The following SLIT1 variants were observed in gnomAD, a reference collection of about 807,000 sequenced individuals.
SLIT1 encodes slit homolog 1 protein.
Under a neutral mutation model 186.1 loss-of-function variants are expected in SLIT1, and 66 were observed. That is an observed-to-expected ratio of 0.35 (90% CI 0.29 to 0.44). The LOEUF (loss-of-function observed/expected upper bound fraction) is 0.44, where lower values mean the gene tolerates loss of function less well. Among genes scored for constraint, SLIT1 ranks in the 20% least tolerant of loss-of-function variants. The probability of loss-of-function intolerance (pLI) is 1.00; values close to 1 mark genes in which losing one functional copy is unlikely to be tolerated. For synonymous variants in SLIT1, 761 were observed against 833.8 expected (o/e 0.91, Z 1.50); for missense variants, 1,638 against 2,037.4 (o/e 0.80, Z 3.77).
chr10:97,146,565 C>G (rs12570870), intron 4 of SLIT1, among the ~76,000 whole-genome samples: 7,030 of 151,902 alleles, frequency 0.046, 260 homozygotes, highest in East Asian at 0.12. Context: ...CCCAGCCCCC[C>G]CCACTGAACA....
intron 4 of SLIT1, among the ~76,000 whole-genome samples, chr10:97,115,344 C>G (rs1228075666): frequency 6.6e-6 from 1 of 152,198 alleles, no homozygotes; most frequent in Non-Finnish European, 1.5e-5. Flanking sequence ...CCTGCTTCTT[C>G]TGGAGAACAG....
intron 4 of SLIT1, among the ~76,000 whole-genome samples, chr10:97,144,232 A>G (rs1849794609): frequency 6.6e-6 from 1 of 152,010 alleles, no homozygotes; most frequent in Admixed American, 6.6e-5. Flanking sequence ...GCAGAGATCT[A>G]TTCCAGTTAA....
intron 4 of SLIT1, among the ~76,000 whole-genome samples, chr10:97,151,072 A>G (rs1849872257): frequency 6.6e-6 from 1 of 152,068 alleles, no homozygotes; most frequent in East Asian, 1.9e-4. Context: ...CTGATAGGTC[A>G]GAGGGTGGCA....
At position 97,001,067 on chromosome 10, in the gene SLIT1, G is replaced by T; in HGVS notation, c.*45C>A. 1 of 1,526,590 alleles carries T rather than the reference G, an allele frequency of 6.6e-7. No individual in the cohort carries two copies. The highest frequency in any genetic ancestry group is 9.0e-7 in the Non-Finnish European group (1 of 1,107,162). 94.6% of individuals were successfully genotyped at this position (1,526,590 alleles called of 1,614,324 possible). A position where few individuals can be genotyped will look rare whatever the true frequency, so the allele number is the denominator to read the frequency against. Reference sequence around the variant, plus strand: ...GGCGACTGTCTCCGCTGCTGCAGCGGCTGGGGCCCCTTGCCCGCCCTCACC... The same window carrying T: ...GGCGACTGTCTCCGCTGCTGCAGCGTCTGGGGCCCCTTGCCCGCCCTCACC... On this transcript the variant is annotated 3_prime_UTR_variant, in exon 37 of 37. Coordinates refer to ENST00000266058, the MANE Select transcript of SLIT1 (RefSeq NM_003061.3).
At chr10:97,164,449 G>A (rs766038061) in intron 2 of SLIT1, among the ~76,000 whole-genome samples, 4 of 152,196 alleles carry the variant, frequency 2.6e-5, no homozygotes, top group East Asian at 3.9e-4. Flanking sequence ...CCTGGGAAGC[G>A]GCAGAGGTTG....
intron 4 of SLIT1, among the ~76,000 whole-genome samples, chr10:97,078,255 A>G (rs1476439817): frequency 1.3e-5 from 2 of 152,142 alleles, no homozygotes; most frequent in African/African-American, 4.8e-5. Flanking sequence ...CATCCCACCC[A>G]CATTTACTGA....
At chr10:97,101,018 A>G (rs1212563016) in intron 4 of SLIT1, among the ~76,000 whole-genome samples, 1 of 152,170 alleles carries the variant, frequency 6.6e-6, no homozygotes, top group Non-Finnish European at 1.5e-5. Flanking sequence ...CTGTGCATCA[A>G]TGAAGCTGAA....
rs1256932838 is a variant in SLIT1, at chr10:97,163,241, G to T, written c.341+139C>A. On this transcript the variant is annotated intron_variant, in intron 3 of 36. Transcript: ENST00000266058. ...ACTTTCACAGCTGCAGCTGCTCCTGGCTCCATCCGCTGGTGGAGGCAGGCT... is the reference window on the plus strand; with the variant it reads ...ACTTTCACAGCTGCAGCTGCTCCTGTCTCCATCCGCTGGTGGAGGCAGGCT... 6 of 719,834 alleles carry T rather than the reference G, an allele frequency of 8.3e-6. No homozygotes were observed. The Admixed American group carries it at 1.3e-4, about 15-fold the overall frequency. 44.6% of individuals were successfully genotyped at this position (719,834 alleles called of 1,614,324 possible). A position where few individuals can be genotyped will look rare whatever the true frequency, so the allele number is the denominator to read the frequency against.
In SLIT1 at chr10:97,014,010, C is replaced by T. The variant is rs375432939; in HGVS notation, c.3109+9G>A. 91 of 1,612,624 alleles carry T rather than the reference C, an allele frequency of 5.6e-5. No homozygotes were observed. The highest frequency in any genetic ancestry group is 2.4e-4 in the African/African-American group (18 of 74,934). On this transcript the variant is annotated intron_variant, in intron 29 of 36. Coordinates refer to ENST00000266058, the MANE Select transcript of SLIT1 (RefSeq NM_003061.3). The stretch of plus-strand genomic sequence containing the variant: ...CCTCCCCCAGACACTGCTGCCCTGA[C>T]GCACTTACCCTCATACTGCAGGGGG...
At chr10:97,053,241 G>T (rs992082713) in intron 13 of SLIT1, among the ~76,000 whole-genome samples, 2 of 152,034 alleles carry the variant, frequency 1.3e-5, no homozygotes, top group South Asian at 4.2e-4. Flanking sequence ...GTGAGTCCCC[G>T]GCCAGTAAAT....
chr10:97,142,352 T>C (rs902783817), intron 4 of SLIT1, among the ~76,000 whole-genome samples: 6 of 152,152 alleles, frequency 3.9e-5, no homozygotes, highest in African/African-American at 1.2e-4. Flanking sequence ...GACAAGGGTG[T>C]CAAGATCATT....
rs1187265812 is a variant in SLIT1, at chr10:97,068,508, A to T, written c.414-2422T>A. ...TGTCTGAAGGGGCCTTGGCACCATC[A>T]GTGCCCCTCGTTCTTGCTCTCTATT... On this transcript the variant is annotated intron_variant, in intron 4 of 36. Transcript: ENST00000266058. This position sits in a 1 kb window ranked among gnomAD's most constrained non-coding sequence, Gnocchi z 4.2. 2.6e-5 allele frequency among the ~76,000 whole-genome samples: 4 copies of T among 151,942 alleles called. No homozygotes were observed. The highest frequency in any genetic ancestry group is 9.7e-5 in the African/African-American group (4 of 41,358).
chr10:97,144,527 A>G (rs922377569), intron 4 of SLIT1, among the ~76,000 whole-genome samples: 1 of 152,202 alleles, frequency 6.6e-6, no homozygotes, highest in African/African-American at 2.4e-5. Context: ...GCGGCAGGCT[A>G]AGCTGCCTGC....
Position 96,999,285 on chromosome 10 carries a change from A to G in SLIT1, c.*1827T>C, listed in dbSNP as rs1391723009. On this transcript the variant is annotated 3_prime_UTR_variant, in exon 37 of 37. Transcript: ENST00000266058. ...ATCCTGCCATGAGGACACCTGCCAC[A>G]TTGGGCAGGGCACTGCCCTCTTCCC... is the stretch of plus-strand genomic sequence containing the variant. 1.3e-5 allele frequency: 2 copies of G among 152,248 alleles called. No homozygotes were observed. The highest frequency in any genetic ancestry group is 2.9e-5 in the Non-Finnish European group (2 of 68,098). The allele number at this position is 152,248 out of a possible 1,614,324, so 9.4% of individuals were successfully genotyped here.
chr10:97,163,469 CA>C lies in SLIT1; in HGVS notation c.270-19del. On this transcript the variant is annotated intron_variant, in intron 2 of 36. Coordinates refer to ENST00000266058, the MANE Select transcript of SLIT1 (RefSeq NM_003061.3). The stretch of plus-strand genomic sequence containing the variant: ...TCAGCTGCCTGGGGAAGCAAAGAGA[CA>C]AGGACAGCTACAGGGTGTGGGACAA... 6.2e-7 allele frequency: 1 copy of C among 1,611,824 alleles called. No individual in the cohort carries two copies. Among genetic ancestry groups the C allele is most frequent in the Non-Finnish European group, 8.5e-7 (1 of 1,177,794 alleles).
Position 97,056,364 on chromosome 10 carries a change from G to T in SLIT1, c.1258C>A (p.Leu420Ile), listed in dbSNP as rs1359466093. ...LSLYDNKIQSLAKGTFTSLRA... is the reference protein window; with the variant it reads ...LSLYDNKIQSIAKGTFTSLRA... ...AGGGAGGTGAAAGTGCCCTTGGCGA[G>T]GCTCTGGATCTTGTTGTCATACAGG... Residue 420 changes from leucine (L) to isoleucine (I), a missense_variant, in exon 13 of 37, where the codon CTC (leucine) becomes ATC (isoleucine). By Grantham distance (5) the Leu-to-Ile change is conservative (BLOSUM62 2). Transcript: ENST00000266058. 6.2e-6 allele frequency: 10 copies of T among 1,614,112 alleles called. No homozygotes were observed. The highest frequency in any genetic ancestry group is 8.5e-6 in the Non-Finnish European group (10 of 1,180,048).
chr10:97,030,519 G>A lies in SLIT1; in HGVS notation c.2582+238C>T, dbSNP rs770567591. Among the ~76,000 whole-genome samples, 10 of 152,210 alleles carry A rather than the reference G, an allele frequency of 6.6e-5. No homozygotes were observed. In the East Asian group the frequency reaches 1.3e-3, roughly 20 times the overall value. On this transcript the variant is annotated intron_variant, in intron 25 of 36. Coordinates refer to ENST00000266058, the MANE Select transcript of SLIT1 (RefSeq NM_003061.3). ...GAGGCAGGCGAAGTGCACAGCAATC[G>A]ATCAATGGTCATGACAACCTTCACT...
Position 97,185,464 on chromosome 10 carries a change from G to A in SLIT1, c.197+14C>T. 1 of 1,609,260 alleles carries A rather than the reference G, an allele frequency of 6.2e-7. No individual in the cohort carries two copies. On this transcript the variant is annotated intron_variant, in intron 1 of 36. Transcript: ENST00000266058. Reference sequence around the variant, plus strand: ...CCTCGGAGCCAGGGAGCCAGGGGCGGGGACCATACTCACAGGCGCTCGGTG... The same window carrying A: ...CCTCGGAGCCAGGGAGCCAGGGGCGAGGACCATACTCACAGGCGCTCGGTG...
At chr10:97,109,199 A>C (rs927423337) in intron 4 of SLIT1, among the ~76,000 whole-genome samples, 6 of 142,164 alleles carry the variant, frequency 4.2e-5, no homozygotes, top group Admixed American at 1.4e-4. Flanking sequence ...AAAGCAAAAG[A>C]AAAAAAAAAA....
Sources: gnomAD v4.1 joint callset for allele counts (sites outside exome capture counted in the v4.1 genomes callset) on GRCh38, gnomAD v4.1.1 for gene constraint, Gnocchi (gnomAD v3.1) non-coding constraint, MANE v1.5 for transcripts, NCBI Gene and HGNC (gene_info 2026-07-23, HGNC 2026-07-21) for gene names.